Variants in LRRK1 observed in about 807,000 individuals in gnomAD.
LRRK1 encodes the protein leucine-rich repeat serine/threonine-protein kinase 1.
A neutral mutation model predicts 209.1 loss-of-function variants in LRRK1; 113 were observed. The observed-to-expected ratio is 0.54, with a 90% CI of 0.46 to 0.63. The LOEUF is 0.63. Among genes scored for constraint, LRRK1 ranks in the 30% least tolerant of loss-of-function variants. LRRK1 has a pLI of 0.00. For missense variants in LRRK1, 2,284 were observed against 2,632.2 expected, an observed-to-expected ratio of 0.87 and a Z score of 2.89; for synonymous variants, 1,144 against 1,099.7, an observed-to-expected ratio of 1.04 and a Z score of -0.80.
chr15:101,062,195 G>C (rs530655754), intron 30 of LRRK1, among the ~76,000 whole-genome samples: 31 of 152,356 alleles, frequency 2.0e-4, no homozygotes, highest in African/African-American at 6.0e-4. Flanking sequence ...CAAGGGCTCT[G>C]CCTAAAGCAT....
At chr15:100,941,192 ATGTGTGTTTCTG>A (rs1415851250) in intron 2 of LRRK1, among the ~76,000 whole-genome samples, 1 of 126,684 alleles carries the variant, frequency 7.9e-6, no homozygotes, top group Admixed American at 7.7e-5. Flanking sequence ...GTCTTTGTGC[ATGTGTGTTTCTG>A]TGTGTGTCTG....
rs28827888 is a variant in LRRK1, at chr15:101,077,026, A to C, written c.*8178A>C. On this transcript the variant is annotated 3_prime_UTR_variant, in exon 34 of 34. Coordinates refer to ENST00000388948, the MANE Select transcript of LRRK1 (RefSeq NM_024652.6). ...TCAGTGAAACCTTTATATCCCTTAC[A>C]GTCCTCAGCCTTCAGGAAAGGTAGA... The C allele has an allele frequency of 6.6e-6, 1 of 151,662 alleles. No homozygotes were observed. The highest frequency in any genetic ancestry group is 6.6e-5 in the Admixed American group (1 of 15,194). The allele number at this position is 151,662 out of a possible 1,614,324, so 9.4% of individuals were successfully genotyped here. A position where few individuals can be genotyped will look rare whatever the true frequency, so the allele number is the denominator to read the frequency against.
intron 6 of LRRK1, among the ~76,000 whole-genome samples, chr15:101,000,399 C>G (rs1443803300): frequency 6.6e-6 from 1 of 152,254 alleles, no homozygotes; most frequent in Non-Finnish European, 1.5e-5. Context: ...TCCCAGCTCT[C>G]TGGTCCCAAC....
intron 20 of LRRK1, among the ~76,000 whole-genome samples, chr15:101,040,777 C>T (rs2034714529): frequency 6.6e-6 from 1 of 152,094 alleles, no homozygotes; most frequent in African/African-American, 2.4e-5. Context: ...AGAATATATT[C>T]TAAGATTTCT....
In LRRK1 at chr15:101,057,026, G is replaced by A; in HGVS notation, c.4503G>A (p.Glu1501=). 2 of 1,611,698 alleles carry A rather than the reference G, an allele frequency of 1.2e-6. No individual in the cohort carries two copies. Among genetic ancestry groups the A allele is most frequent in the South Asian group, 1.1e-5 (1 of 90,744 alleles). The change falls in exon 28 of 34, where the codon GAG becomes GAA. Residue 1501 remains glutamate (E), a synonymous_variant. Transcript: ENST00000388948. ...GGCGACTGCAGGCGCTCATGATGGA[G>A]TGCTGGGACACTAAGCCAGAGAAGG... ...QFRRLQALMM[E]CWDTKPEKRP...
chr15:101,038,677 C>T (rs1182025693), intron 20 of LRRK1, among the ~76,000 whole-genome samples: 1 of 152,230 alleles, frequency 6.6e-6, no homozygotes, highest in East Asian at 1.9e-4. Context: ...TGTCACTTTT[C>T]TGTTGAATTC....
At chr15:101,032,846 T>G (rs1365872860) in intron 20 of LRRK1, among the ~76,000 whole-genome samples, 2 of 152,244 alleles carry the variant, frequency 1.3e-5, no homozygotes, top group Non-Finnish European at 1.5e-5. Flanking sequence ...TCCACTAATA[T>G]ATATGCCTAT....
At chr15:100,982,322 G>T (rs1394469000) in intron 3 of LRRK1, among the ~76,000 whole-genome samples, 4 of 152,206 alleles carry the variant, frequency 2.6e-5, no homozygotes, top group Admixed American at 1.3e-4. Flanking sequence ...TTTCAGAAAC[G>T]CAATCAAACA....
At position 101,055,077 on chromosome 15, in the gene LRRK1, T is replaced by A; in HGVS notation, c.4186T>A (p.Ser1396Thr). The change falls in exon 27 of 34, where the codon TCC becomes ACC. Residue 1396 changes from serine (S) to threonine (T), a missense_variant. By Grantham distance (58) the Ser-to-Thr change is moderately conservative. Coordinates refer to ENST00000388948, the MANE Select transcript of LRRK1 (RefSeq NM_024652.6). The part of the protein sequence containing the change: ...DLKSDNILVW[S>T]LDVKEHINIK... ...GAAGTCGGACAACATTCTGGTGTGG[T>A]CCCTTGACGTCAAGGAGCACATCAA... The A allele has an allele frequency of 6.2e-7, 1 of 1,614,158 alleles. No homozygotes were observed. The highest frequency in any genetic ancestry group is 8.5e-7 in the Non-Finnish European group (1 of 1,180,014).
rs775330321 is a variant in LRRK1, at chr15:101,027,653, C to A, written c.2542C>A (p.Leu848Met). The A allele has an allele frequency of 1.2e-6, 2 of 1,612,740 alleles. No individual in the cohort carries two copies. Among genetic ancestry groups the A allele is most frequent in the Non-Finnish European group, 1.7e-6 (2 of 1,179,590 alleles). Residue 848 changes from leucine (L) to methionine (M), a missense_variant, in exon 19 of 34, where the codon CTG (leucine) becomes ATG (methionine). By Grantham distance (15) the Leu-to-Met change is conservative (BLOSUM62 2). Around this residue, in one of 6 missense-constraint regions of LRRK1, gnomAD observed 780 missense variants for 985.2 expected, o/e 0.79. Transcript: ENST00000388948. The surrounding 1 kb of genome is among the most constrained non-coding windows in gnomAD (Gnocchi z 5.1). ...TGTCCCCCAGATCCCCAGGAGCTAC[C>A]TGAGCCTGCAGGAGGCCGTGCTGGC... The part of the protein sequence containing the change: ...LAGRLIPRSY[L>M]SLQEAVLAEQ...
chr15:100,958,416 G>A (rs982969198), intron 2 of LRRK1, among the ~76,000 whole-genome samples: 1 of 152,162 alleles, frequency 6.6e-6, no homozygotes, highest in Admixed American at 6.5e-5. Context: ...TTTTGGATAC[G>A]TCTGTACCTC....
At chr15:101,012,903 G>A (rs192010981) in intron 10 of LRRK1, among the ~76,000 whole-genome samples, 138 of 152,170 alleles carry the variant, frequency 9.1e-4, no homozygotes, top group Admixed American at 2.0e-3. Context: ...GTGCCCCCGG[G>A]GGGGGGTGGT....
intron 2 of LRRK1, among the ~76,000 whole-genome samples, chr15:100,955,865 T>G (rs1470987743): frequency 6.6e-6 from 1 of 152,256 alleles, no homozygotes; most frequent in East Asian, 1.9e-4. Context: ...ATGATTTTTT[T>G]AATGTGCTGT....
chr15:100,983,996 A>G (rs1257375485), intron 4 of LRRK1, among the ~76,000 whole-genome samples: 2 of 152,232 alleles, frequency 1.3e-5, no homozygotes, highest in African/African-American at 4.8e-5. Context: ...AGATTTATGG[A>G]AAAAATCAAT....
Position 101,000,097 on chromosome 15 carries a change from G to T in LRRK1, c.763-8740G>T, listed in dbSNP as rs543198918. ...CTCATTCAGTCTTTTATTTAAGTGG[G>T]TAAACCCCTCTAAGATTAGAAGGAA... On this transcript the variant is annotated intron_variant, in intron 6 of 33. Transcript: ENST00000388948. Among the ~76,000 whole-genome samples the T allele has an allele frequency of 2.6e-5, 4 of 152,200 alleles. No individual in the cohort carries two copies. In the South Asian group the frequency reaches 8.3e-4, roughly 32 times the overall value.
In LRRK1 at chr15:101,026,117, C is replaced by T; in HGVS notation, c.2385C>T (p.Asp795=). ...PSGSRATGFP[D]ITFKHLHEIS... ...GCTCCAGGGCCACAGGCTTCCCAGA[C>T]ATCACCTTCAAACACTTACAGTGAG... The change falls in exon 17 of 34, where the codon GAC becomes GAT. Residue 795 remains aspartate, a synonymous_variant. Coordinates refer to ENST00000388948, the MANE Select transcript of LRRK1 (RefSeq NM_024652.6). 1 of 1,614,246 alleles carries T rather than the reference C, an allele frequency of 6.2e-7. No individual in the cohort carries two copies. The highest frequency in any genetic ancestry group is 2.2e-5 in the East Asian group (1 of 44,888).
At chr15:100,947,208 C>T (rs1279581068) in intron 2 of LRRK1, among the ~76,000 whole-genome samples, 8 of 152,124 alleles carry the variant, frequency 5.3e-5, no homozygotes, top group Admixed American at 2.0e-4. Context: ...CCGCCCGCCT[C>T]GGCCTCCCAA....
intron 2 of LRRK1, among the ~76,000 whole-genome samples, chr15:100,945,482 C>CTTTTTTTTT (rs34038990): frequency 4.7e-5 from 3 of 63,572 alleles, no homozygotes; most frequent in African/African-American, 6.5e-5. Context: ...TGCAGAGCCT[C>CTTTTTTTTT]TTTTTTTTTT....
intron 28 of LRRK1, among the ~76,000 whole-genome samples, 182 bp downstream of exon 28, chr15:101,057,232 C>T (rs1281320065): frequency 7.2e-5 from 11 of 152,222 alleles, no homozygotes; most frequent in Non-Finnish European, 1.6e-4. Flanking sequence ...TTTGTGTGTG[C>T]GTGTCACTCT....
Sources: gnomAD v4.1 joint callset for allele counts (sites outside exome capture counted in the v4.1 genomes callset) on GRCh38, gnomAD v4.1.1 for gene constraint, gnomAD v4.1.1 regional missense constraint, Gnocchi (gnomAD v3.1) non-coding constraint, MANE v1.5 for transcripts, NCBI Gene and HGNC (gene_info 2026-07-23, HGNC 2026-07-21) for gene names.